Variants in SORCS1 observed in about 807,000 individuals in gnomAD.
The protein encoded by SORCS1 is sortilin related VPS10 domain containing receptor 1.
Under a neutral mutation model 146.1 loss-of-function variants are expected in SORCS1, and 60 were observed. That is an observed-to-expected ratio of 0.41 (90% CI 0.33 to 0.51). SORCS1 has a LOEUF of 0.51. SORCS1 is among the 20% of genes least tolerant of loss of function. SORCS1 has a pLI of 0.21. For synonymous variants in SORCS1, 637 were observed against 584.0 expected (o/e 1.09, Z -1.31); for missense variants, 1,352 against 1,487.6 (o/e 0.91, Z 1.50).
chr10:106,883,094 T>C (rs1950866143), intron 2 of SORCS1, among the ~76,000 whole-genome samples: 1 of 152,208 alleles, frequency 6.6e-6, no homozygotes, highest in Non-Finnish European at 1.5e-5. Context: ...ATCCATCCAG[T>C]ATGTTTTCCT....
At chr10:107,069,924 C>A (rs756612603) in intron 1 of SORCS1, among the ~76,000 whole-genome samples, 4 of 152,174 alleles carry the variant, frequency 2.6e-5, no homozygotes, top group East Asian at 3.9e-4. Flanking sequence ...CACAATCTAA[C>A]TGGAAAACAT....
intron 4 of SORCS1, among the ~76,000 whole-genome samples, 168 bp downstream of exon 4, chr10:106,776,366 C>T (rs1044273078): frequency 6.6e-6 from 1 of 152,202 alleles, no homozygotes; most frequent in Non-Finnish European, 1.5e-5. Flanking sequence ...ATGATTTAAA[C>T]AAGCAACCTG....
intron 1 of SORCS1, among the ~76,000 whole-genome samples, chr10:107,082,253 T>C (rs545827653): frequency 5.3e-5 from 8 of 152,184 alleles, no homozygotes; most frequent in Non-Finnish European, 1.2e-4. Flanking sequence ...GAAAATGAAA[T>C]GGCCTCGAAT....
chr10:107,029,261 G>A (rs553508464), intron 1 of SORCS1, among the ~76,000 whole-genome samples: 1 of 152,178 alleles, frequency 6.6e-6, no homozygotes, highest in Non-Finnish European at 1.5e-5. Flanking sequence ...GCATCATTCT[G>A]TAACACTGGG....
intron 1 of SORCS1, among the ~76,000 whole-genome samples, chr10:107,015,521 T>A (rs1354607170): frequency 2.6e-5 from 4 of 152,152 alleles, no homozygotes; most frequent in Admixed American, 2.6e-4. Context: ...AGCAGAAACA[T>A]CCCTGTCTTG....
At chr10:106,614,770 G>A (rs1847242531) in intron 21 of SORCS1, among the ~76,000 whole-genome samples, 1 of 152,162 alleles carries the variant, frequency 6.6e-6, no homozygotes. Context: ...CAGAATGGCA[G>A]GGAAACGTAC....
intron 1 of SORCS1, among the ~76,000 whole-genome samples, chr10:106,991,016 C>T (rs889268150): frequency 1.3e-5 from 2 of 152,334 alleles, no homozygotes; most frequent in South Asian, 2.1e-4. Context: ...AGTTCTTCCA[C>T]ATCATGTTGA....
At chr10:106,882,160 A>G (rs1417060278) in intron 2 of SORCS1, among the ~76,000 whole-genome samples, 1 of 152,192 alleles carries the variant, frequency 6.6e-6, no homozygotes, top group African/African-American at 2.4e-5. Context: ...TACTATTGGG[A>G]ATATGGTCTA....
At chr10:106,613,354 CAA>C (rs1190881652) in intron 21 of SORCS1, among the ~76,000 whole-genome samples, 2 of 152,056 alleles carry the variant, frequency 1.3e-5, no homozygotes, top group African/African-American at 2.4e-5. Flanking sequence ...ATAGGACAGT[CAA>C]AGAGAGGAAG....
At chr10:106,814,914 CAAA>C (rs779366731) in intron 3 of SORCS1, among the ~76,000 whole-genome samples, 1 of 66,058 alleles carries the variant, frequency 1.5e-5, no homozygotes, top group Non-Finnish European at 2.6e-5. Context: ...GACTCCATCT[CAAA>C]AAAAAAAAAA....
At chr10:106,607,392 GA>G in intron 22 of SORCS1, 95 bp from the exon 23 acceptor site, 1 of 1,504,542 alleles carries the variant, frequency 6.6e-7, no homozygotes, top group Non-Finnish European at 8.9e-7. Context: ...GTAGGCAGAA[GA>G]CACCACAAGG....
chr10:106,758,860 G>A (rs180763290), intron 5 of SORCS1, among the ~76,000 whole-genome samples: 1 of 152,294 alleles, frequency 6.6e-6, no homozygotes, highest in East Asian at 1.9e-4. Flanking sequence ...TCCTGAACAA[G>A]AGCACCAGAG....
chr10:107,057,889 G>A (rs903750355), intron 1 of SORCS1, among the ~76,000 whole-genome samples: 15 of 152,018 alleles, frequency 9.9e-5, no homozygotes, highest in Admixed American at 2.0e-4. Flanking sequence ...CATGGTCATC[G>A]CACTCTACAG....
intron 1 of SORCS1, among the ~76,000 whole-genome samples, chr10:107,126,108 T>C (rs1246134022): frequency 2.0e-5 from 3 of 152,212 alleles, no homozygotes; most frequent in African/African-American, 7.2e-5. Context: ...TTTTCTTTCC[T>C]TCCTGAATAA....
At chr10:106,854,311 C>T (rs1949700202) in intron 2 of SORCS1, among the ~76,000 whole-genome samples, 1 of 152,002 alleles carries the variant, frequency 6.6e-6, no homozygotes, top group African/African-American at 2.4e-5. Flanking sequence ...TATCATTCTC[C>T]ATCCATTTAC....
chr10:107,046,715 G>T (rs901208361), intron 1 of SORCS1, among the ~76,000 whole-genome samples: 3 of 152,150 alleles, frequency 2.0e-5, no homozygotes, highest in African/African-American at 7.2e-5. Context: ...CCAAAGAAGG[G>T]ATTATTTGGC....
At chr10:106,615,758 T>A (rs1054965569) in intron 21 of SORCS1, among the ~76,000 whole-genome samples, 4 of 152,152 alleles carry the variant, frequency 2.6e-5, no homozygotes, top group Non-Finnish European at 5.9e-5. Flanking sequence ...TTGCCAAATC[T>A]CTTAACGAAG....
At chr10:106,700,162 A>G (rs1854027375) in intron 8 of SORCS1, among the ~76,000 whole-genome samples, 1 of 152,220 alleles carries the variant, frequency 6.6e-6, no homozygotes, top group Non-Finnish European at 1.5e-5. Flanking sequence ...ATGTTTTCAG[A>G]GCCTGTTTGT....
At chr10:106,585,408 C>T (rs1249659521) in intron 24 of SORCS1, among the ~76,000 whole-genome samples, 9 of 152,214 alleles carry the variant, frequency 5.9e-5, no homozygotes, top group Admixed American at 4.6e-4. Context: ...TTTTCTGGAT[C>T]ACTAAAACAA....
Sources: allele counts gnomAD v4.1 joint callset (sites outside exome capture counted in the v4.1 genomes callset), GRCh38; gene constraint gnomAD v4.1.1; transcripts MANE v1.5; gene names NCBI Gene and HGNC (gene_info 2026-07-23, HGNC 2026-07-21).